DIAPH2: variants seen among roughly 807,000 people sequenced by gnomAD.
DIAPH2 encodes the protein diaphanous related formin 2.
Under a neutral mutation model 92.7 loss-of-function variants are expected in DIAPH2, and 35 were observed. That is an observed-to-expected ratio of 0.38 (90% CI 0.29 to 0.50). The LOEUF (loss-of-function observed/expected upper bound fraction) is 0.50. Ranked by LOEUF, DIAPH2 falls within the 20% of genes least tolerant of loss-of-function variation. DIAPH2 has a pLI of 0.94. For missense variants in DIAPH2, 701 were observed against 819.5 expected, an observed-to-expected ratio of 0.86 and a Z score of 1.77; for synonymous variants, 301 against 280.4, an observed-to-expected ratio of 1.07 and a Z score of -0.73.
At chrX:97,340,983 TAA>T (rs1357700590) in intron 23 of DIAPH2, 4 of 99,299 alleles carry the variant, frequency 4.0e-5, no homozygotes, top group African/African-American at 1.4e-4. Flanking sequence ...CATTTTATAG[TAA>T]GTTTTTTTTT....
At chrX:96,821,665 T>G (rs2147676581) in intron 4 of DIAPH2, among the ~76,000 whole-genome samples, 1 of 112,276 alleles carries the variant, frequency 8.9e-6, no homozygotes, top group South Asian at 3.7e-4. Context: ...TAAGTTACTT[T>G]ATGGTTGAAA....
chrX:97,296,366 G>C (rs190896966), intron 23 of DIAPH2, among the ~76,000 whole-genome samples: 2 of 111,325 alleles, frequency 1.8e-5, no homozygotes, highest in African/African-American at 6.5e-5. Context: ...TTCTCTTTAT[G>C]TATTAATTTA....
intron 20 of DIAPH2, among the ~76,000 whole-genome samples, chrX:97,102,756 A>G (rs1415221002): frequency 9.0e-6 from 1 of 111,654 alleles, no homozygotes; most frequent in Non-Finnish European, 1.9e-5. Flanking sequence ...CCTGGCCAAC[A>G]TGGTGAAACT....
intron 21 of DIAPH2, among the ~76,000 whole-genome samples, 156 bp downstream of exon 21, chrX:97,115,121 A>G (rs756463970): frequency 8.9e-6 from 1 of 112,405 alleles, no homozygotes; most frequent in African/African-American, 3.2e-5. Flanking sequence ...CAAACAAATA[A>G]TTTTTTAAAA....
At chrX:96,968,546 T>C (rs767983585) in intron 17 of DIAPH2, among the ~76,000 whole-genome samples, 3 of 111,936 alleles carry the variant, frequency 2.7e-5, no homozygotes, top group Non-Finnish European at 3.8e-5. Context: ...GAAGTGTCTG[T>C]TCATGTTCTT....
chrX:97,214,836 TA>T (rs368311868), intron 22 of DIAPH2, among the ~76,000 whole-genome samples: 28,159 of 62,442 alleles, frequency 0.45, 6,397 homozygotes, highest in Non-Finnish European at 0.59. Flanking sequence ...CGTCTCAAAT[TA>T]AAAAAAAAAA....
chrX:96,831,326 G>C (rs909679411), intron 4 of DIAPH2, among the ~76,000 whole-genome samples: 1 of 111,610 alleles, frequency 9.0e-6, no homozygotes, highest in Non-Finnish European at 1.9e-5. Context: ...TGTCTTCTAT[G>C]TTTACGTATT....
intron 26 of DIAPH2, among the ~76,000 whole-genome samples, chrX:97,548,509 G>A (rs1569422027): frequency 8.9e-6 from 1 of 112,301 alleles, no homozygotes; most frequent in Non-Finnish European, 1.9e-5. Context: ...ATCATGAAAA[G>A]GCATCAGCAC....
chrX:97,293,388 G>C (rs768773237), intron 23 of DIAPH2, among the ~76,000 whole-genome samples: 1 of 108,887 alleles, frequency 9.2e-6, no homozygotes, highest in East Asian at 2.9e-4. Flanking sequence ...GAGTAGCTGG[G>C]ATTACAGGCA....
At position 97,194,473 on chromosome X, in the gene DIAPH2, A is replaced by G. The variant is rs12006731; in HGVS notation, c.2719+52679A>G. On this transcript the variant is annotated intron_variant, in intron 22 of 26. Coordinates refer to ENST00000324765, the MANE Select transcript of DIAPH2 (RefSeq NM_006729.5). ...ATTTCTTTTTGTATTTTTAGTAGAG[A>G]CGGGGTTTCACTGTGTTAGCCAGGA... Among the ~76,000 whole-genome samples the G allele has an allele frequency of 9.3e-3, 1,015 of 109,530 alleles. 8 individuals are homozygous for G. The highest frequency in any genetic ancestry group is 0.031 in the African/African-American group (944 of 30,103).
intron 26 of DIAPH2, among the ~76,000 whole-genome samples, chrX:97,584,661 G>T (rs1188017675): frequency 8.9e-6 from 1 of 111,870 alleles, no homozygotes; most frequent in Non-Finnish European, 1.9e-5. Context: ...TTTTGGTAGA[G>T]AGCAACTCTC....
chrX:97,583,988 C>G (rs904092617), intron 26 of DIAPH2, among the ~76,000 whole-genome samples: 2 of 112,706 alleles, frequency 1.8e-5, no homozygotes, highest in Non-Finnish European at 3.8e-5. Flanking sequence ...GCTCCCTGAC[C>G]CCTTGGGCTT....
intron 22 of DIAPH2, among the ~76,000 whole-genome samples, chrX:97,179,796 G>A (rs1417094049): frequency 8.9e-6 from 1 of 111,856 alleles, no homozygotes; most frequent in African/African-American, 3.3e-5. Flanking sequence ...AGGTTTATTT[G>A]AACTTAGAGT....
At chrX:97,432,466 T>C (rs1379725613) in intron 26 of DIAPH2, among the ~76,000 whole-genome samples, 2 of 109,272 alleles carry the variant, frequency 1.8e-5, no homozygotes, top group African/African-American at 6.7e-5. Flanking sequence ...AGCTAATTGT[T>C]GTATTTTTAT....
At chrX:97,240,462 C>T (rs924172543) in intron 22 of DIAPH2, among the ~76,000 whole-genome samples, 2 of 110,154 alleles carry the variant, frequency 1.8e-5, no homozygotes, top group African/African-American at 3.3e-5. Flanking sequence ...AAAAGTTAGC[C>T]GGGCGTGGTG....
At chrX:97,266,857 A>G (rs142182193) in intron 23 of DIAPH2, among the ~76,000 whole-genome samples, 2,603 of 111,992 alleles carry the variant, frequency 0.023, 29 homozygotes, top group Middle Eastern at 0.041. Context: ...ACTTTGCTGC[A>G]TCTGTCAAAA....
At position 97,330,784 on chromosome X, in the gene DIAPH2, A is replaced by G. The variant is rs571382774; in HGVS notation, c.2845-17332A>G. ...CACCTCAGCCTCCCAAAGTGCTGGG[A>G]TTACAAGTGTGAGCCACTGCACCCA... On this transcript the variant is annotated intron_variant, in intron 23 of 26. Coordinates refer to ENST00000324765, the MANE Select transcript of DIAPH2 (RefSeq NM_006729.5). Among the ~76,000 whole-genome samples the G allele has an allele frequency of 4.3e-4, 48 of 111,828 alleles. No individual in the cohort carries two copies. In the South Asian group the frequency reaches 0.018, roughly 42 times the overall value.
At chrX:97,297,871 GT>G (rs1479711235) in intron 23 of DIAPH2, among the ~76,000 whole-genome samples, 3 of 110,486 alleles carry the variant, frequency 2.7e-5, no homozygotes, top group African/African-American at 9.9e-5. Context: ...ATATCCTTTA[GT>G]TTATATACTA....
At chrX:96,902,044 C>T (rs1162376319) in intron 5 of DIAPH2, among the ~76,000 whole-genome samples, 1 of 111,451 alleles carries the variant, frequency 9.0e-6, no homozygotes, top group Admixed American at 9.5e-5. Context: ...CATTGTTAAC[C>T]CAAAAATCAT....
Sources: gnomAD v4.1 joint callset for allele counts (sites outside exome capture counted in the v4.1 genomes callset) on GRCh38, gnomAD v4.1.1 for gene constraint, MANE v1.5 for transcripts, NCBI Gene and HGNC (gene_info 2026-07-23, HGNC 2026-07-21) for gene names.